Variants in CCDC178 observed in about 807,000 individuals in gnomAD.
CCDC178 encodes coiled-coil domain-containing protein 178.
In CCDC178, 126 loss-of-function variants were observed where a neutral mutation model predicts 117.4. The ratio of observed to expected loss-of-function variants is 1.07; its 90% CI spans 0.93 to 1.24. CCDC178 has a LOEUF of 1.24. CCDC178 is among the 50% of genes most tolerant of loss of function. CCDC178 has a pLI of 0.00. For synonymous variants in CCDC178, 283 were observed against 313.4 expected (o/e 0.90, Z 1.02); for missense variants, 1,030 against 986.9 (o/e 1.04, Z -0.59).
intron 20 of CCDC178, among the ~76,000 whole-genome samples, chr18:33,149,010 A>G (rs2058309480): frequency 1.3e-5 from 2 of 152,120 alleles, no homozygotes; most frequent in Non-Finnish European, 2.9e-5. Context: ...GATGTGTATA[A>G]CTCCTAGGCT....
chr18:33,046,171 T>C (rs2056639337), intron 21 of CCDC178, among the ~76,000 whole-genome samples: 1 of 152,190 alleles, frequency 6.6e-6, no homozygotes, highest in African/African-American at 2.4e-5. Context: ...ATTGGGGAGA[T>C]TGGTCTTGAT....
At chr18:33,344,591 T>C (rs944615900) in intron 9 of CCDC178, among the ~76,000 whole-genome samples, 8 of 151,026 alleles carry the variant, frequency 5.3e-5, no homozygotes, top group African/African-American at 1.9e-4. Context: ...AAAGGGTATA[T>C]GAGATTATAT....
intron 21 of CCDC178, among the ~76,000 whole-genome samples, chr18:33,064,445 A>G (rs1017395560): frequency 6.6e-6 from 1 of 152,224 alleles, no homozygotes; most frequent in Non-Finnish European, 1.5e-5. Flanking sequence ...TAGATCAAAC[A>G]AAAGAAATGA....
intron 22 of CCDC178, among the ~76,000 whole-genome samples, chr18:32,952,772 CTTT>C (rs112669320): frequency 4.6e-5 from 6 of 130,058 alleles, no homozygotes; most frequent in Admixed American, 7.7e-5. Flanking sequence ...ATTTTATAAA[CTTT>C]TTTTTTTTTT....
At chr18:33,071,425 T>C (rs1472685349) in intron 21 of CCDC178, among the ~76,000 whole-genome samples, 2 of 152,130 alleles carry the variant, frequency 1.3e-5, no homozygotes, top group African/African-American at 2.4e-5. Context: ...TAATCTGATG[T>C]CATTATTTGG....
intron 11 of CCDC178, among the ~76,000 whole-genome samples, chr18:33,307,902 C>T (rs1231870382): frequency 1.3e-5 from 2 of 152,218 alleles, no homozygotes; most frequent in African/African-American, 2.4e-5. Context: ...GAACCTTTGT[C>T]TAGATTTCAG....
chr18:33,125,531 C>G (rs1364558789), intron 20 of CCDC178, among the ~76,000 whole-genome samples: 2 of 151,944 alleles, frequency 1.3e-5, no homozygotes, highest in Non-Finnish European at 2.9e-5. Flanking sequence ...TTAAAAATGT[C>G]TTTTTTATGT....
At chr18:33,348,787 T>C in intron 8 of CCDC178, 103 bp downstream of exon 8, 1 of 735,396 alleles carries the variant, frequency 1.4e-6, no homozygotes, top group South Asian at 1.7e-5. Context: ...ATAATAATTA[T>C]AAAATTCTTA....
chr18:33,233,619 C>T (rs569279183), intron 15 of CCDC178, among the ~76,000 whole-genome samples: 8 of 151,588 alleles, frequency 5.3e-5, no homozygotes, highest in South Asian at 2.1e-4. Context: ...GGTAGCCTCA[C>T]GCTATAGGAG....
intron 21 of CCDC178, among the ~76,000 whole-genome samples, chr18:33,013,497 C>G (rs982442956): frequency 6.6e-6 from 1 of 152,056 alleles, no homozygotes; most frequent in African/African-American, 2.4e-5. Context: ...TAAATGCATT[C>G]CATTTTATAC....
At chr18:33,245,947 C>T (rs972436939) in intron 14 of CCDC178, among the ~76,000 whole-genome samples, 2 of 151,844 alleles carry the variant, frequency 1.3e-5, no homozygotes, top group Non-Finnish European at 2.9e-5. Context: ...GCAGCACTGT[C>T]TCAGTTGTAG....
intron 15 of CCDC178, among the ~76,000 whole-genome samples, chr18:33,239,474 A>T (rs184953657): frequency 6.6e-6 from 1 of 151,772 alleles, no homozygotes; most frequent in African/African-American, 2.4e-5. Flanking sequence ...ATTAACCTGT[A>T]ATGACACAAA....
intron 20 of CCDC178, among the ~76,000 whole-genome samples, chr18:33,131,316 G>T (rs1027942741): frequency 1.3e-5 from 2 of 151,600 alleles, no homozygotes; most frequent in Non-Finnish European, 3.0e-5. Context: ...TGTAAATATA[G>T]CTATTAACTA....
chr18:33,421,738 G>A (rs147041613), intron 2 of CCDC178, among the ~76,000 whole-genome samples: 284 of 152,232 alleles, frequency 1.9e-3, no homozygotes, highest in Middle Eastern at 6.8e-3. Context: ...ATGCTGGAAC[G>A]GGTTACGCTC....
chr18:32,949,005 T>C (rs1391721896), intron 22 of CCDC178, among the ~76,000 whole-genome samples: 1 of 152,102 alleles, frequency 6.6e-6, no homozygotes, highest in Non-Finnish European at 1.5e-5. Context: ...TTTTGAAAGA[T>C]ATTTTACTGT....
At chr18:33,212,749 T>C (rs2059123026) in intron 19 of CCDC178, among the ~76,000 whole-genome samples, 1 of 152,002 alleles carries the variant, frequency 6.6e-6, no homozygotes, top group African/African-American at 2.4e-5. Flanking sequence ...ATTTTATCAT[T>C]TGCAATTAAA....
chr18:33,006,937 C>G (rs558433424), intron 21 of CCDC178, among the ~76,000 whole-genome samples: 6 of 152,098 alleles, frequency 3.9e-5, no homozygotes, highest in Non-Finnish European at 7.4e-5. Flanking sequence ...AGGAACACAG[C>G]CTGGCTGACA....
At chr18:33,087,053 C>CAT (rs2057390923) in intron 21 of CCDC178, among the ~76,000 whole-genome samples, 3 of 151,614 alleles carry the variant, frequency 2.0e-5, no homozygotes, top group African/African-American at 7.3e-5. Context: ...CACACACACA[C>CAT]ACACGAAAAT....
chr18:33,349,486 T>C (rs1419111858), intron 7 of CCDC178, among the ~76,000 whole-genome samples: 1 of 152,086 alleles, frequency 6.6e-6, no homozygotes, highest in East Asian at 1.9e-4. Context: ...AAAGTTCTAC[T>C]GGACAACACT....
Sources: gnomAD v4.1 joint callset for allele counts (sites outside exome capture counted in the v4.1 genomes callset) on GRCh38, gnomAD v4.1.1 for gene constraint, MANE v1.5 for transcripts, NCBI Gene and HGNC (gene_info 2026-07-23, HGNC 2026-07-21) for gene names.